The following NCAPD3 variants were observed in gnomAD, a reference collection of about 807,000 sequenced individuals.
NCAPD3 encodes condensin-2 complex subunit D3.
In NCAPD3, 105 loss-of-function variants were observed where a neutral mutation model predicts 182.9. The observed-to-expected ratio is 0.57, with a 90% CI of 0.49 to 0.68. The LOEUF (loss-of-function observed/expected upper bound fraction) is 0.68. Among genes scored for constraint, NCAPD3 ranks in the 30% least tolerant of loss-of-function variants. The pLI is 0.00. For missense variants in NCAPD3, 1,944 were observed against 1,837.0 expected (o/e 1.06, Z -1.07); for synonymous variants, 815 against 679.9 (o/e 1.20, Z -3.09).
In NCAPD3 at chr11:134,185,377, A is replaced by AAGATT; in HGVS notation, c.2194_2195insAATCT (p.Leu732GlnfsTer8). ...AGATTGTATTATTCTGCTGTAGTCCAGCCTGGGTGAGGAGCCAGCAATCTT... is the reference window on the plus strand; with the variant it reads ...AGATTGTATTATTCTGCTGTAGTCCAAGATTGCCTGGGTGAGGAGCCAGCAATCTT... On this transcript the variant is annotated frameshift_variant, in exon 17 of 35. Coordinates refer to ENST00000534548, the MANE Select transcript of NCAPD3 (RefSeq NM_015261.3). LOFTEE classifies it high-confidence loss of function. 6.2e-7 allele frequency: 1 copy of AAGATT among 1,613,764 alleles called. No homozygotes were observed. Among genetic ancestry groups the AAGATT allele is most frequent in the Non-Finnish European group, 8.5e-7 (1 of 1,179,846 alleles).
intron 1 of NCAPD3, chr11:134,223,488 A>G: frequency 1.4e-6 from 1 of 702,160 alleles, no homozygotes; most frequent in South Asian, 1.5e-5. Context: ...GGAACCTATG[A>G]ACATGAAGTT....
intron 8 of NCAPD3, among the ~76,000 whole-genome samples, chr11:134,206,064 A>AGCTTCACTAAG (rs1277901998): frequency 2.0e-5 from 3 of 152,198 alleles, no homozygotes; most frequent in African/African-American, 7.2e-5. Flanking sequence ...AAGGCATGAG[A>AGCTTCACTAAG]GTTTTTAAGT....
At position 134,168,097 on chromosome 11, in the gene NCAPD3, C is replaced by T. The variant is rs753908143; in HGVS notation, c.3472G>A (p.Ala1158Thr). The T allele has an allele frequency of 3.7e-6, 6 of 1,614,112 alleles. No homozygotes were observed. Among genetic ancestry groups the T allele is most frequent in the Non-Finnish European group, 5.1e-6 (6 of 1,179,992 alleles). ...VLSSKEIKLLAMRSKPDKDLL... is the reference protein window; with the variant it reads ...VLSSKEIKLLTMRSKPDKDLL... ...TCTTTGTCTGGTTTAGATCTCATTGCCAAAAGCTTGATCTCCTTTGAGCTG... is the reference window on the plus strand; with the variant it reads ...TCTTTGTCTGGTTTAGATCTCATTGTCAAAAGCTTGATCTCCTTTGAGCTG... Residue 1158 changes from alanine (A) to threonine (T), a missense_variant, in exon 27 of 35, where the codon GCA (alanine) becomes ACA (threonine). Around this residue, in one of 3 missense-constraint regions of NCAPD3, gnomAD observed 1,803 missense variants for 1,674.6 expected, o/e 1.08. Coordinates refer to ENST00000534548, the MANE Select transcript of NCAPD3 (RefSeq NM_015261.3).
At chr11:134,224,039 C>T (rs1344825970), upstream of NCAPD3, 2 of 1,292,642 alleles carry the variant, frequency 1.5e-6, no homozygotes, top group Admixed American at 4.1e-5. Flanking sequence ...TCCCACTGGC[C>T]AACCACCGCG....
intron 24 of NCAPD3, among the ~76,000 whole-genome samples, chr11:134,169,821 T>G (rs1943962849): frequency 6.6e-6 from 1 of 152,242 alleles, no homozygotes; most frequent in Non-Finnish European, 1.5e-5. Context: ...TGATTTTTGC[T>G]CAGGGGTCAA....
At chr11:134,203,941 T>C (rs759514794) in intron 10 of NCAPD3, 35 bp from the exon 11 acceptor site, 4 of 1,608,540 alleles carry the variant, frequency 2.5e-6, no homozygotes, top group Non-Finnish European at 2.6e-6. Flanking sequence ...TGCCATCAGA[T>C]AGGAGTAAGA....
chr11:134,166,020 G>A (rs1180601067), intron 27 of NCAPD3, among the ~76,000 whole-genome samples: 2 of 128,052 alleles, frequency 1.6e-5, no homozygotes, highest in South Asian at 3.4e-4. Flanking sequence ...TGTGAGATGA[G>A]CTTGGGGGAG....
At chr11:134,154,283 A>G (rs565783942) in intron 32 of NCAPD3, among the ~76,000 whole-genome samples, 1 of 152,160 alleles carries the variant, frequency 6.6e-6, no homozygotes, top group Admixed American at 6.5e-5. Context: ...AAGCTGGTAA[A>G]TTTACTGCCC....
intron 29 of NCAPD3, among the ~76,000 whole-genome samples, chr11:134,159,081 G>A (rs1297981500): frequency 6.6e-6 from 1 of 152,180 alleles, no homozygotes; most frequent in Admixed American, 6.5e-5. Context: ...ATGGACATTT[G>A]TTTCCAAATT....
chr11:134,191,261 T>A (rs892926165), intron 16 of NCAPD3, among the ~76,000 whole-genome samples: 7 of 152,208 alleles, frequency 4.6e-5, no homozygotes, highest in African/African-American at 1.7e-4. Context: ...GACAAAATTT[T>A]AAGCAACACT....
At chr11:134,215,220 T>C (rs1285491380) in intron 3 of NCAPD3, among the ~76,000 whole-genome samples, 2 of 152,152 alleles carry the variant, frequency 1.3e-5, no homozygotes, top group Admixed American at 6.5e-5. Flanking sequence ...ACAGGTAACA[T>C]CATACCTAAA....
chr11:134,171,340 A>G (rs1257713020), intron 24 of NCAPD3, among the ~76,000 whole-genome samples: 1 of 152,206 alleles, frequency 6.6e-6, no homozygotes, highest in African/African-American at 2.4e-5. Context: ...CTAAGAATCG[A>G]AATCCAGGAT....
intron 13 of NCAPD3, among the ~76,000 whole-genome samples, chr11:134,198,719 CA>C (rs1258915923): frequency 5.3e-5 from 8 of 152,088 alleles, no homozygotes; most frequent in Non-Finnish European, 8.8e-5. Flanking sequence ...AAGGAATCCA[CA>C]AAACAATCAT....
At position 134,178,750 on chromosome 11, in the gene NCAPD3, A is replaced by G. The variant is rs1944227489; in HGVS notation, c.2675-9T>C. On this transcript the variant is annotated splice_polypyrimidine_tract_variant and intron_variant, in intron 21 of 34. Transcript: ENST00000534548. ...GCCTTGAGATGATGGTGCTGCAAAGAAGGGAGAGAAAGTTACCGACAGAAC... is the reference window on the plus strand; with the variant it reads ...GCCTTGAGATGATGGTGCTGCAAAGGAGGGAGAGAAAGTTACCGACAGAAC... The G allele has an allele frequency of 1.9e-6, 3 of 1,608,458 alleles. No individual in the cohort carries two copies. In the African/African-American group the frequency reaches 4.0e-5, roughly 21 times the overall value.
chr11:134,175,340 C>G (rs115455710), intron 24 of NCAPD3, among the ~76,000 whole-genome samples: 16 of 152,108 alleles, frequency 1.1e-4, no homozygotes, highest in Admixed American at 1.0e-3. Context: ...ATAGTGGACA[C>G]GTTGTGAAGG....
chr11:134,168,500 G>A lies in NCAPD3; in HGVS notation c.3342C>T (p.Asn1114=), dbSNP rs749550072. ...LEHFTDEQRF[N]ITSKICLSIL... ...TACTAAGGCAGATTTTGGAAGTGAT[G>A]TTGAATCGCTGTTCATCTGTGAAGT... The change falls in exon 26 of 35, where the codon AAC becomes AAT. Residue 1114 remains asparagine (N), a synonymous_variant. Transcript: ENST00000534548. The A allele has an allele frequency of 4.3e-6, 7 of 1,614,092 alleles. No homozygotes were observed. The South Asian group carries it at 5.5e-5, about 13-fold the overall frequency.
At chr11:134,182,952 C>T (rs1035466044) in intron 19 of NCAPD3, 6 of 331,970 alleles carry the variant, frequency 1.8e-5, no homozygotes, top group Non-Finnish European at 3.0e-5. Context: ...AGATTAAAAC[C>T]GTGGCGGTCT....
rs1324099519 is a variant in NCAPD3 at position 134,169,073 on chromosome 11, C to T, written c.3102-19G>A. 4 of 1,608,830 alleles carry T rather than the reference C, an allele frequency of 2.5e-6. No homozygotes were observed. The highest frequency in any genetic ancestry group is 2.7e-5 in the African/African-American group (2 of 74,800). On this transcript the variant is annotated intron_variant, in intron 24 of 34. Coordinates refer to ENST00000534548, the MANE Select transcript of NCAPD3 (RefSeq NM_015261.3). ...CCCGAAGCTGCAAAGGTGAGAGAAACAAAGAGGGAGACCCATTTGCTATGT... is the reference window on the plus strand; with the variant it reads ...CCCGAAGCTGCAAAGGTGAGAGAAATAAAGAGGGAGACCCATTTGCTATGT...
chr11:134,201,127 C>A (rs1013003571), intron 13 of NCAPD3, among the ~76,000 whole-genome samples: 1 of 151,264 alleles, frequency 6.6e-6, no homozygotes, highest in African/African-American at 2.4e-5. Context: ...TGGGTTCAAG[C>A]GATTCTCCTG....
Sources: allele counts gnomAD v4.1 joint callset (sites outside exome capture counted in the v4.1 genomes callset), GRCh38; gene constraint gnomAD v4.1.1; regional missense constraint gnomAD v4.1.1; transcripts MANE v1.5; gene names NCBI Gene and HGNC (gene_info 2026-07-23, HGNC 2026-07-21).